Variants in INTS4 observed in about 807,000 individuals in gnomAD.
The protein encoded by INTS4 is integrator complex subunit 4.
A neutral mutation model predicts 119.5 loss-of-function variants in INTS4; 70 were observed. That is an observed-to-expected ratio of 0.59 (90% CI 0.48 to 0.71). INTS4 has a LOEUF of 0.71. Among genes scored for constraint, INTS4 ranks in the 30% least tolerant of loss-of-function variants. The probability of loss-of-function intolerance (pLI) is 0.00; values close to 1 mark genes in which losing one functional copy is unlikely to be tolerated. For missense variants in INTS4, 867 were observed against 1,173.2 expected (o/e 0.74, Z 3.81); for synonymous variants, 316 against 419.6 (o/e 0.75, Z 3.02).
At chr11:77,907,310 G>T (rs1178085386) in intron 16 of INTS4, among the ~76,000 whole-genome samples, 1 of 152,172 alleles carries the variant, frequency 6.6e-6, no homozygotes, top group African/African-American at 2.4e-5. Flanking sequence ...TTGAGCTCAA[G>T]CGATCCTCCT....
chr11:77,878,506 TA>T (rs566159329), downstream of INTS4, among the ~76,000 whole-genome samples: 33 of 146,998 alleles, frequency 2.2e-4, no homozygotes, highest in Admixed American at 2.7e-4. Flanking sequence ...CTGTCAATGG[TA>T]AAAAAAAAAA....
Position 77,981,739 on chromosome 11 carries a change from T to TTTATTTATTTA in INTS4, c.247-164_247-163insTAAATAAATAA, listed in dbSNP as rs1565290160. Among the ~76,000 whole-genome samples, 547 of 149,964 alleles carry TTTATTTATTTA rather than the reference T, an allele frequency of 3.6e-3. 2 individuals carry two copies. Among genetic ancestry groups the TTTATTTATTTA allele is most frequent in the Middle Eastern group, 0.01 (3 of 292 alleles). On this transcript the variant is annotated intron_variant, in intron 2 of 22. Coordinates refer to ENST00000534064, the MANE Select transcript of INTS4 (RefSeq NM_033547.4). Reference sequence around the variant, plus strand: ...ATATACTTCTGGAGAGACAGCTTTCTTTTATTTATTTATTTATTTATTTAT... The same window carrying TTTATTTATTTA: ...ATATACTTCTGGAGAGACAGCTTTCTTTATTTATTTATTTATTTATTTATTTATTTATTTAT...
rs561234858 is a variant in INTS4 at position 77,980,098 on chromosome 11, C to T, written c.365-996G>A. Among the ~76,000 whole-genome samples, 279 of 151,902 alleles carry T rather than the reference C, an allele frequency of 1.8e-3. 7 individuals are homozygous for T. Among genetic ancestry groups the T allele is most frequent in the Middle Eastern group, 3.4e-3 (1 of 294 alleles). ...CATACCAGGCCTTCCATGTTGTCTACCCTTGCCTATCTTTCTAGCTTCATC... is the reference window on the plus strand; with the variant it reads ...CATACCAGGCCTTCCATGTTGTCTATCCTTGCCTATCTTTCTAGCTTCATC... On this transcript the variant is annotated intron_variant, in intron 3 of 22. Coordinates refer to ENST00000534064, the MANE Select transcript of INTS4 (RefSeq NM_033547.4).
rs548710964 is a variant in INTS4, at chr11:77,953,315, A to C, written c.918+2627T>G. Among the ~76,000 whole-genome samples, 30 of 152,302 alleles carry C rather than the reference A, an allele frequency of 2.0e-4. 1 individual carries two copies. In the South Asian group the frequency reaches 5.0e-3, roughly 25 times the overall value. Reference sequence around the variant, plus strand: ...GTGACACGTATACAAATTTTTATAGATACTTACACACACATATATTTATAT... The same window carrying C: ...GTGACACGTATACAAATTTTTATAGCTACTTACACACACATATATTTATAT... On this transcript the variant is annotated intron_variant, in intron 8 of 22. Coordinates refer to ENST00000534064, the MANE Select transcript of INTS4 (RefSeq NM_033547.4).
At position 77,961,143 on chromosome 11, in the gene INTS4, TAAAAAAA is replaced by T. The variant is rs11370501; in HGVS notation, c.472-12_472-6del. On this transcript the variant is annotated splice_region_variant and splice_polypyrimidine_tract_variant and intron_variant, in intron 4 of 22. Transcript: ENST00000534064. ...ATGAGACGTATCTGTCAGATGCTAT[TAAAAAAA>T]AAAAAAAAAAGAAAAAAAGAAAAAG... The T allele has an allele frequency of 3.3e-4, 406 of 1,216,690 alleles. 2 individuals are homozygous for T. The highest frequency in any genetic ancestry group is 5.9e-4 in the East Asian group (19 of 32,028). 75.4% of individuals were successfully genotyped at this position (1,216,690 alleles called of 1,614,324 possible).
intron 8 of INTS4, among the ~76,000 whole-genome samples, chr11:77,948,577 G>C (rs1954104537): frequency 6.7e-6 from 1 of 149,884 alleles, no homozygotes; most frequent in South Asian, 2.1e-4. Context: ...AACCCAGGAG[G>C]TGAAGGTTGC....
intron 15 of INTS4, among the ~76,000 whole-genome samples, chr11:77,908,186 T>C (rs965512436): frequency 4.6e-5 from 7 of 152,162 alleles, no homozygotes; most frequent in African/African-American, 1.7e-4. Context: ...ACTTATTCAA[T>C]GGTGAAAAAA....
chr11:77,907,552 G>A (rs1952986515), intron 16 of INTS4, among the ~76,000 whole-genome samples, 165 bp downstream of exon 16: 2 of 152,170 alleles, frequency 1.3e-5, no homozygotes, highest in East Asian at 1.9e-4. Flanking sequence ...TTAATATTTC[G>A]TTAATTAGAG....
chr11:77,988,905 A>G (rs1206503526), intron 2 of INTS4, among the ~76,000 whole-genome samples: 1 of 152,226 alleles, frequency 6.6e-6, no homozygotes, highest in Non-Finnish European at 1.5e-5. Context: ...GATTTTTGAA[A>G]AGACTGAATG....
intron 9 of INTS4, 95 bp downstream of exon 9, chr11:77,941,085 A>G (rs1790249): frequency 0.59 from 873,779 of 1,488,648 alleles, 259,519 homozygotes; most frequent in African/African-American, 0.61. Flanking sequence ...TGTTAATTTA[A>G]CAAATGCTGC....
At chr11:77,885,269 G>A (rs934362438) in intron 21 of INTS4, among the ~76,000 whole-genome samples, 1 of 151,728 alleles carries the variant, frequency 6.6e-6, no homozygotes, top group Admixed American at 6.6e-5. Context: ...TAGAGATGGG[G>A]TTTCACCATG....
chr11:77,971,486 A>G (rs1432492593), intron 4 of INTS4, among the ~76,000 whole-genome samples: 4 of 151,970 alleles, frequency 2.6e-5, no homozygotes, highest in African/African-American at 9.7e-5. Flanking sequence ...GTCTCTACCA[A>G]AAATACAAAA....
At chr11:77,892,015 A>T (rs1407806553) in intron 19 of INTS4, among the ~76,000 whole-genome samples, 175 bp from the exon 20 acceptor site, 1 of 152,210 alleles carries the variant, frequency 6.6e-6, no homozygotes, top group Admixed American at 6.5e-5. Context: ...TCACATGATC[A>T]TCAGAAAGGC....
intron 18 of INTS4, among the ~76,000 whole-genome samples, chr11:77,898,915 G>A (rs1284028851): frequency 2.6e-5 from 4 of 152,184 alleles, no homozygotes; most frequent in Non-Finnish European, 5.9e-5. Flanking sequence ...AGCTACTTGG[G>A]AGGCTGAGGC....
At chr11:77,928,774 G>A (rs186763159) in intron 10 of INTS4, among the ~76,000 whole-genome samples, 1 of 152,178 alleles carries the variant, frequency 6.6e-6, no homozygotes, top group East Asian at 1.9e-4. Context: ...ACTTGAACCT[G>A]GGAGGCAGAA....
At chr11:77,891,192 C>T in intron 21 of INTS4, 127 bp downstream of exon 21, 1 of 829,828 alleles carries the variant, frequency 1.2e-6, no homozygotes, top group Non-Finnish European at 1.9e-6. Context: ...GGTTCTTTCC[C>T]ACAGAGGCTC....
intron 8 of INTS4, among the ~76,000 whole-genome samples, chr11:77,954,602 C>T (rs1041784893): frequency 6.6e-6 from 1 of 152,192 alleles, no homozygotes; most frequent in Non-Finnish European, 1.5e-5. Flanking sequence ...AGTGGTGAAG[C>T]AGGGTAATTT....
At chr11:77,944,729 A>T (rs1252937449) in intron 8 of INTS4, among the ~76,000 whole-genome samples, 2 of 152,252 alleles carry the variant, frequency 1.3e-5, no homozygotes, top group African/African-American at 4.8e-5. Flanking sequence ...TTGAGTACCA[A>T]CATGATGCTC....
At chr11:77,984,799 C>T (rs1436540822) in intron 2 of INTS4, among the ~76,000 whole-genome samples, 1 of 150,250 alleles carries the variant, frequency 6.7e-6, no homozygotes, top group Non-Finnish European at 1.5e-5. Flanking sequence ...TTGCATAAGC[C>T]TGGGAGGTGG....
Sources: gnomAD v4.1 joint callset for allele counts (sites outside exome capture counted in the v4.1 genomes callset) on GRCh38, gnomAD v4.1.1 for gene constraint, MANE v1.5 for transcripts, NCBI Gene and HGNC (gene_info 2026-07-23, HGNC 2026-07-21) for gene names.